Variants in ADGRB1 observed in about 807,000 individuals in gnomAD.
ADGRB1 encodes brain-specific angiogenesis inhibitor 1.
A neutral mutation model predicts 175.7 loss-of-function variants in ADGRB1; 36 were observed. That is an observed-to-expected ratio of 0.20 (90% CI 0.16 to 0.27). The LOEUF (loss-of-function observed/expected upper bound fraction) is 0.27, where lower values mean the gene tolerates loss of function less well. Among genes scored for constraint, ADGRB1 ranks in the 10% least tolerant of loss-of-function variants. ADGRB1 has a pLI of 1.00. For missense variants in ADGRB1, 1,731 were observed against 2,255.3 expected, an observed-to-expected ratio of 0.77 and a Z score of 4.71; for synonymous variants, 1,054 against 979.4, an observed-to-expected ratio of 1.08 and a Z score of -1.42.
At chr8:142,516,133 A>G (rs147939716) in intron 18 of ADGRB1, among the ~76,000 whole-genome samples, 15 of 151,816 alleles carry the variant, frequency 9.9e-5, no homozygotes, top group Non-Finnish European at 1.8e-4. Flanking sequence ...GGGGGGCGTC[A>G]GTCGTGTGTG....
At position 142,463,040 on chromosome 8, in the gene ADGRB1, G is replaced by A. The variant is rs116785886; in HGVS notation, c.-219-940G>A. Among the ~76,000 whole-genome samples, 795 of 152,316 alleles carry A rather than the reference G, an allele frequency of 5.2e-3. 5 individuals carry two copies. The highest frequency in any genetic ancestry group is 0.018 in the African/African-American group (734 of 41,562). On this transcript the variant is annotated intron_variant, in intron 1 of 30. Coordinates refer to ENST00000517894, the MANE Select transcript of ADGRB1 (RefSeq NM_001702.3). ...AATTTAGGGTCAGCCTGGGGCTCACGTATGGGTTCTCCGACCCACTCACTG... is the reference window on the plus strand; with the variant it reads ...AATTTAGGGTCAGCCTGGGGCTCACATATGGGTTCTCCGACCCACTCACTG...
intron 11 of ADGRB1, among the ~76,000 whole-genome samples, chr8:142,483,248 ACACACTGAGCCCTGATCCTGGT>A: frequency 2.1e-5 from 3 of 142,178 alleles, no homozygotes; most frequent in Admixed American, 7.0e-5. Context: ...GACCCTGGTC[ACACACTGAGCCCTGATCCTGGT>A]CACACTGAGC....
At position 142,537,491 on chromosome 8, in the gene ADGRB1, C is replaced by G. The variant is rs1285304040; in HGVS notation, c.3666+409C>G. ...GCTCAGCTGCCACCTAGGGGTCCAG[C>G]CTAGCCTGCCCATCCCCTCCCCCTA... On this transcript the variant is annotated intron_variant, in intron 26 of 30. Coordinates refer to ENST00000517894, the MANE Select transcript of ADGRB1 (RefSeq NM_001702.3). The surrounding 1 kb of genome is among the most constrained non-coding windows in gnomAD (Gnocchi z 4.6). Among the ~76,000 whole-genome samples the G allele has an allele frequency of 1.3e-5, 2 of 152,070 alleles. No individual in the cohort carries two copies. Among genetic ancestry groups the G allele is most frequent in the Non-Finnish European group, 2.9e-5 (2 of 67,986 alleles).
At chr8:142,530,447 C>G (rs909621948) in intron 24 of ADGRB1, among the ~76,000 whole-genome samples, 1 of 152,162 alleles carries the variant, frequency 6.6e-6, no homozygotes, top group Non-Finnish European at 1.5e-5. Context: ...TCCCTCAACC[C>G]AAGGTGAGGG....
Position 142,543,679 on chromosome 8 carries a change from G to A in ADGRB1, c.4528G>A (p.Asp1510Asn), listed in dbSNP as rs1845420191. ...NRKLQHAAEK[D>N]KEVLGPDSKP... Reference sequence around the variant, plus strand: ...GAAGCTGCAGCACGCAGCGGAGAAGGACAAGGAGGTGCTGGGGCCGGACAG... The same window carrying A: ...GAAGCTGCAGCACGCAGCGGAGAAGAACAAGGAGGTGCTGGGGCCGGACAG... Residue 1510 changes from aspartate to asparagine, a missense_variant, in exon 30 of 31, where the codon GAC (aspartate) becomes AAC (asparagine). By Grantham distance (23) the Asp-to-Asn change is conservative. This residue lies in a region of ADGRB1 where 394 missense variants were observed against 410.2 expected (regional missense o/e 0.96). Transcript: ENST00000517894. This position sits in a 1 kb window ranked among gnomAD's most constrained non-coding sequence, Gnocchi z 4.4. The A allele has an allele frequency of 1.5e-6, 2 of 1,343,964 alleles. No homozygotes were observed. The highest frequency in any genetic ancestry group is 2.0e-6 in the Non-Finnish European group (2 of 1,016,792). 83.3% of individuals were successfully genotyped at this position (1,343,964 alleles called of 1,614,324 possible).
chr8:142,453,883 G>A (rs1017927379), intron 1 of ADGRB1, among the ~76,000 whole-genome samples: 3 of 152,206 alleles, frequency 2.0e-5, no homozygotes, highest in African/African-American at 7.2e-5. Flanking sequence ...GGGGTCAGAG[G>A]TCCGGGCAGA....
chr8:142,510,916 T>TTCCCCCCCCC lies in ADGRB1; in HGVS notation c.2676-16_2676-15insTCCCCCCCCC. ...ACGCTCCGCCTGTCTCCCTCCCGTGTCCCGCCCGCCCCCAGACCCTCCTCC... is the reference window on the plus strand; with the variant it reads ...ACGCTCCGCCTGTCTCCCTCCCGTGTTCCCCCCCCCCCCGCCCGCCCCCAGACCCTCCTCC... On this transcript the variant is annotated splice_polypyrimidine_tract_variant and intron_variant, in intron 17 of 30. Coordinates refer to ENST00000517894, the MANE Select transcript of ADGRB1 (RefSeq NM_001702.3). This position sits in a 1 kb window ranked among gnomAD's most constrained non-coding sequence, Gnocchi z 6.3. 2.1e-6 allele frequency: 2 copies of TTCCCCCCCCC among 969,738 alleles called. No individual in the cohort carries two copies. Among genetic ancestry groups the TTCCCCCCCCC allele is most frequent in the Non-Finnish European group, 2.5e-6 (2 of 789,298 alleles). The allele number at this position is 969,738 out of a possible 1,614,324, so 60.1% of individuals were successfully genotyped here.
chr8:142,481,461 G>A (rs1841334055), intron 10 of ADGRB1, 56 bp from the exon 11 acceptor site: 1 of 1,579,296 alleles, frequency 6.3e-7, no homozygotes. Context: ...ATCCTGGGTG[G>A]CTGCCTGGAC....
chr8:142,541,806 C>A, intron 27 of ADGRB1, 135 bp from the exon 28 acceptor site: 1 of 954,206 alleles, frequency 1.0e-6, no homozygotes, highest in Non-Finnish European at 1.5e-6. Flanking sequence ...GATCGGTACC[C>A]AGCAGGACCT....
chr8:142,468,092 T>C (rs1840378763), intron 2 of ADGRB1, among the ~76,000 whole-genome samples: 2 of 152,200 alleles, frequency 1.3e-5, no homozygotes, highest in South Asian at 4.1e-4. Context: ...TGTGTGTGCG[T>C]GTTCATGCAT....
intron 12 of ADGRB1, among the ~76,000 whole-genome samples, chr8:142,484,340 G>A (rs113890459): frequency 2.0e-5 from 3 of 152,316 alleles, no homozygotes; most frequent in African/African-American, 7.2e-5. Context: ...CTCATGTTGG[G>A]GCAGTGGGCA....
intron 17 of ADGRB1, among the ~76,000 whole-genome samples, chr8:142,494,973 G>C (rs1842145583): frequency 6.6e-6 from 1 of 152,170 alleles, no homozygotes; most frequent in Non-Finnish European, 1.5e-5. Context: ...GACCACAGGT[G>C]TCTCTACTGG....
chr8:142,505,024 G>A (rs1381295416), intron 17 of ADGRB1, among the ~76,000 whole-genome samples: 1 of 147,778 alleles, frequency 6.8e-6, no homozygotes, highest in Non-Finnish European at 1.5e-5. Flanking sequence ...TGGGCCGGCA[G>A]GAGGCATCGT....
intron 24 of ADGRB1, among the ~76,000 whole-genome samples, chr8:142,530,716 G>A (rs758199420): frequency 1.3e-5 from 2 of 152,192 alleles, no homozygotes; most frequent in Admixed American, 6.5e-5. Context: ...CCAGGGATGT[G>A]GCAGGGGCTG....
Position 142,516,383 on chromosome 8 carries a change from G to GTGTGTGCGGGCCCCAGGTGCGTGCA in ADGRB1, c.2818-1754_2818-1753insGTGTGCGGGCCCCAGGTGCGTGCAT, listed in dbSNP as rs1563731314. ...GTGTGTGCGGGCCCCAGGTGCGTGCGTCTGTGTGGGCCCCAGTTGCGTGTG... is the reference window on the plus strand; with the variant it reads ...GTGTGTGCGGGCCCCAGGTGCGTGCGTGTGTGCGGGCCCCAGGTGCGTGCATCTGTGTGGGCCCCAGTTGCGTGTG... On this transcript the variant is annotated intron_variant, in intron 18 of 30. Transcript: ENST00000517894. Among the ~76,000 whole-genome samples the GTGTGTGCGGGCCCCAGGTGCGTGCA allele has an allele frequency of 1.1e-4, 13 of 121,014 alleles. 2 individuals are homozygous for GTGTGTGCGGGCCCCAGGTGCGTGCA. Among genetic ancestry groups the GTGTGTGCGGGCCCCAGGTGCGTGCA allele is most frequent in the Admixed American group, 3.3e-4 (4 of 12,112 alleles). 79.4% of individuals were successfully genotyped at this position (121,014 alleles called of 152,430 possible).
rs369383154 is a variant in ADGRB1 at position 142,489,309 on chromosome 8, C to G, written c.2529-27C>G. 9 of 1,611,032 alleles carry G rather than the reference C, an allele frequency of 5.6e-6. No individual in the cohort carries two copies. The African/African-American group carries it at 6.7e-5, about 12-fold the overall frequency. On this transcript the variant is annotated intron_variant, in intron 15 of 30. Coordinates refer to ENST00000517894, the MANE Select transcript of ADGRB1 (RefSeq NM_001702.3). ...GGAGCCTGGGCTGGGAGGGCTCCCCCGACACCTGTGCCTCTGGCTCTTGCA... is the reference window on the plus strand; with the variant it reads ...GGAGCCTGGGCTGGGAGGGCTCCCCGGACACCTGTGCCTCTGGCTCTTGCA...
chr8:142,480,648 A>G (rs377009161), intron 9 of ADGRB1, among the ~76,000 whole-genome samples: 37 of 152,240 alleles, frequency 2.4e-4, no homozygotes, highest in African/African-American at 8.7e-4. Context: ...CATCTAAACC[A>G]GCATCTGCAT....
chr8:142,513,265 G>A lies in ADGRB1; in HGVS notation c.2817+2192G>A, dbSNP rs180776388. On this transcript the variant is annotated intron_variant, in intron 18 of 30. Coordinates refer to ENST00000517894, the MANE Select transcript of ADGRB1 (RefSeq NM_001702.3). ...AGATGGGAGGGCGGTTGGCTCTGCCGCAAGGGCAGACCATGTGTGGCTCAG... is the reference window on the plus strand; with the variant it reads ...AGATGGGAGGGCGGTTGGCTCTGCCACAAGGGCAGACCATGTGTGGCTCAG... 5.1e-3 allele frequency among the ~76,000 whole-genome samples: 783 copies of A among 152,286 alleles called. 7 individuals are homozygous for A. The highest frequency in any genetic ancestry group is 0.018 in the African/African-American group (736 of 41,564).
chr8:142,472,438 C>T (rs1488988042), intron 2 of ADGRB1, among the ~76,000 whole-genome samples: 5 of 152,192 alleles, frequency 3.3e-5, no homozygotes, highest in African/African-American at 1.2e-4. Context: ...GGCCCACCCC[C>T]CAGCCTGCTT....
Sources: allele counts gnomAD v4.1 joint callset (sites outside exome capture counted in the v4.1 genomes callset), GRCh38; gene constraint gnomAD v4.1.1; regional missense constraint gnomAD v4.1.1; non-coding constraint Gnocchi (gnomAD v3.1); transcripts MANE v1.5; gene names NCBI Gene and HGNC (gene_info 2026-07-23, HGNC 2026-07-21).